Variants in CNTNAP4 observed in about 807,000 individuals in gnomAD.
CNTNAP4 encodes the protein contactin associated protein family member 4.
CNTNAP4 carries 98 observed loss-of-function variants against 148.4 expected under a neutral mutation model. That is an observed-to-expected ratio of 0.66 (90% CI 0.56 to 0.78). The LOEUF is 0.78. Among genes scored for constraint, CNTNAP4 ranks in the 30% least tolerant of loss-of-function variants. The pLI, the probability that CNTNAP4 is intolerant of heterozygous loss-of-function variation, is 0.00. For synonymous variants in CNTNAP4, 730 were observed against 565.1 expected, an observed-to-expected ratio of 1.29 and a Z score of -4.14; for missense variants, 1,935 against 1,565.6, an observed-to-expected ratio of 1.24 and a Z score of -3.98.
intron 3 of CNTNAP4, among the ~76,000 whole-genome samples, chr16:76,368,712 A>G (rs1459964508): frequency 6.6e-6 from 1 of 152,154 alleles, no homozygotes; most frequent in Non-Finnish European, 1.5e-5. Context: ...TAGGAGAAAT[A>G]CCTAATGTAG....
In CNTNAP4 at chr16:76,467,471, T is replaced by C; in HGVS notation, c.1603T>C (p.Ser535Pro). 2 of 1,613,718 alleles carry C rather than the reference T, an allele frequency of 1.2e-6. No individual in the cohort carries two copies. The highest frequency in any genetic ancestry group is 2.2e-5 in the South Asian group (2 of 91,060). Reference sequence around the variant, plus strand: ...AGATCTGATTTCAGTTCAGCAGGGGTCCCTTGGGAACTTCAGTGACCTTCA... The same window carrying C: ...AGATCTGATTTCAGTTCAGCAGGGGCCCCTTGGGAACTTCAGTGACCTTCA... Reference protein sequence around the residue: ...VVDLISVQQGSLGNFSDLQID... With the variant: ...VVDLISVQQGPLGNFSDLQID... The change falls in exon 10 of 24, where the codon TCC (serine) becomes CCC (proline). Residue 535 changes from serine (S) to proline (P), a missense_variant. Physicochemically the swap from Ser to Pro is moderately conservative, Grantham distance 74 (BLOSUM62 -1). Transcript: ENST00000611870.
chr16:76,437,716 C>G (rs2079882560), intron 4 of CNTNAP4, among the ~76,000 whole-genome samples: 1 of 152,020 alleles, frequency 6.6e-6, no homozygotes, highest in Non-Finnish European at 1.5e-5. Context: ...TAACTTGAAC[C>G]TCCAGGTAAC....
chr16:76,545,537 T>G (rs78022536), intron 21 of CNTNAP4, among the ~76,000 whole-genome samples: 7 of 152,024 alleles, frequency 4.6e-5, no homozygotes, highest in Admixed American at 2.0e-4. Context: ...CCTGCAAAGC[T>G]TTTTATTTGG....
At chr16:76,541,528 A>G (rs752635850) in intron 21 of CNTNAP4, among the ~76,000 whole-genome samples, 1 of 152,170 alleles carries the variant, frequency 6.6e-6, no homozygotes, top group Non-Finnish European at 1.5e-5. Flanking sequence ...CTTGTAGCCT[A>G]ATTTTTATTC....
intron 3 of CNTNAP4, among the ~76,000 whole-genome samples, chr16:76,371,995 A>T (rs924486373): frequency 2.0e-5 from 3 of 152,100 alleles, no homozygotes; most frequent in Admixed American, 6.5e-5. Context: ...GACATCTGTG[A>T]TAGTGTTATT....
intron 15 of CNTNAP4, among the ~76,000 whole-genome samples, chr16:76,514,213 G>GAA (rs1406828602): frequency 6.6e-6 from 1 of 152,168 alleles, no homozygotes; most frequent in Non-Finnish European, 1.5e-5. Context: ...TCGTAGGAAT[G>GAA]ACTGAGGGAT....
intron 1 of CNTNAP4, among the ~76,000 whole-genome samples, chr16:76,304,682 G>A (rs985276677): frequency 3.3e-5 from 5 of 152,118 alleles, no homozygotes; most frequent in African/African-American, 7.2e-5. Flanking sequence ...CATCACTAAA[G>A]CAATATATGT....
At chr16:76,278,238 A>G (rs1277260076) in intron 1 of CNTNAP4, among the ~76,000 whole-genome samples, 1 of 152,196 alleles carries the variant, frequency 6.6e-6, no homozygotes, top group African/African-American at 2.4e-5. Flanking sequence ...AATAACTGAA[A>G]TGTACTGCAG....
At chr16:76,309,777 G>T in intron 1 of CNTNAP4, 1 of 693,552 alleles carries the variant, frequency 1.4e-6, no homozygotes, top group South Asian at 1.5e-5. Context: ...GGGCTTTCCC[G>T]TGCTATTCTC....
intron 4 of CNTNAP4, among the ~76,000 whole-genome samples, chr16:76,444,109 A>T (rs2080148620): frequency 1.3e-5 from 2 of 152,196 alleles, no homozygotes; most frequent in Non-Finnish European, 1.5e-5. Flanking sequence ...TTGAGTGTAT[A>T]TATAGGAATC....
intron 3 of CNTNAP4, among the ~76,000 whole-genome samples, chr16:76,390,290 A>G (rs2016861850): frequency 6.6e-6 from 1 of 152,202 alleles, no homozygotes; most frequent in African/African-American, 2.4e-5. Flanking sequence ...TAACTTATCT[A>G]TTGTAACTAA....
At chr16:76,524,462 CA>C (rs1568505233) in intron 17 of CNTNAP4, among the ~76,000 whole-genome samples, 1 of 152,144 alleles carries the variant, frequency 6.6e-6, no homozygotes, top group Non-Finnish European at 1.5e-5. Context: ...TCAAATTTTT[CA>C]GTGAAATATG....
chr16:76,417,487 C>G (rs2079031449), intron 3 of CNTNAP4, among the ~76,000 whole-genome samples: 1 of 151,334 alleles, frequency 6.6e-6, no homozygotes, highest in African/African-American at 2.4e-5. Context: ...CTAACTTCTC[C>G]CTTACGTACC....
At chr16:76,513,140 C>G (rs933979377) in intron 15 of CNTNAP4, among the ~76,000 whole-genome samples, 2 of 152,126 alleles carry the variant, frequency 1.3e-5, no homozygotes, top group Admixed American at 1.3e-4. Context: ...AAATAAATCC[C>G]TGCATTGTGG....
intron 7 of CNTNAP4, 96 bp from the exon 8 acceptor site, chr16:76,452,412 C>T (rs932316092): frequency 3.0e-5 from 37 of 1,238,994 alleles, no homozygotes; most frequent in Middle Eastern, 2.0e-4. Flanking sequence ...TGTTTTAAAT[C>T]GCGGATAATG....
intron 1 of CNTNAP4, among the ~76,000 whole-genome samples, chr16:76,309,689 C>T (rs1309625500): frequency 6.6e-6 from 1 of 152,184 alleles, no homozygotes; most frequent in East Asian, 1.9e-4. Context: ...TGAATTGTAT[C>T]TCCCAGAATT....
At chr16:76,482,430 C>T (rs1353296266) in intron 12 of CNTNAP4, among the ~76,000 whole-genome samples, 1 of 96,950 alleles carries the variant, frequency 1.0e-5, no homozygotes, top group African/African-American at 3.9e-5. Context: ...CTGTTTTACA[C>T]AATTTTTTTT....
chr16:76,352,837 A>T (rs182828752), intron 2 of CNTNAP4, among the ~76,000 whole-genome samples: 248 of 152,230 alleles, frequency 1.6e-3, no homozygotes, highest in African/African-American at 5.8e-3. Flanking sequence ...GGAGGGTGCT[A>T]TTTAAAGTGT....
chr16:76,343,322 G>T (rs1964637876), intron 2 of CNTNAP4, among the ~76,000 whole-genome samples: 2 of 152,088 alleles, frequency 1.3e-5, no homozygotes, highest in Non-Finnish European at 2.9e-5. Context: ...GGACAATTTA[G>T]AACTTTCCAT....
Sources: allele counts gnomAD v4.1 joint callset (sites outside exome capture counted in the v4.1 genomes callset), GRCh38; gene constraint gnomAD v4.1.1; transcripts MANE v1.5; gene names NCBI Gene and HGNC (gene_info 2026-07-23, HGNC 2026-07-21).